UTP20: variants seen among roughly 807,000 people sequenced by gnomAD.
UTP20 encodes the protein small subunit processome component 20 homolog.
A neutral mutation model predicts 329.5 loss-of-function variants in UTP20; 164 were observed. The observed-to-expected ratio is 0.50, with a 90% CI of 0.44 to 0.57. UTP20 has a LOEUF of 0.57. UTP20 is among the 20% of genes least tolerant of loss of function. The pLI is 0.00. For synonymous variants in UTP20, 1,151 were observed against 1,159.3 expected, an observed-to-expected ratio of 0.99 and a Z score of 0.14; for missense variants, 3,055 against 3,284.2, an observed-to-expected ratio of 0.93 and a Z score of 1.71.
intron 58 of UTP20, 56 bp downstream of exon 58, chr12:101,381,267 CGCGCCTGTAATCCCA>C: frequency 6.7e-7 from 1 of 1,481,988 alleles, no homozygotes; most frequent in Admixed American, 1.7e-5. Context: ...CATGGTGGCT[CGCGCCTGTAATCCCA>C]GCACTTTGAG....
At chr12:101,326,320 C>T (rs530009559) in intron 25 of UTP20, among the ~76,000 whole-genome samples, 1 of 152,118 alleles carries the variant, frequency 6.6e-6, no homozygotes, top group Non-Finnish European at 1.5e-5. Flanking sequence ...TTCATTAACC[C>T]TTCTCAATAT....
At chr12:101,299,608 A>G in intron 12 of UTP20, 74 bp from the exon 13 acceptor site, 2 of 1,401,138 alleles carry the variant, frequency 1.4e-6, no homozygotes, top group South Asian at 3.1e-5. Context: ...TAAGAATCCA[A>G]TTTTATTTCA....
chr12:101,352,056 A>G lies in UTP20; in HGVS notation c.4886A>G (p.His1629Arg), dbSNP rs1259833257. The G allele has an allele frequency of 1.2e-6, 2 of 1,613,358 alleles. No individual in the cohort carries two copies. The highest frequency in any genetic ancestry group is 1.7e-6 in the Non-Finnish European group (2 of 1,179,912). The change falls in exon 39 of 62, where the codon CAT becomes CGT. Residue 1629 changes from histidine to arginine, a missense_variant and splice_region_variant. Transcript: ENST00000261637. ...TGATGTTCTTGATTTGTTTTACAGCATGAAAATATAACCACTGCTGCCACA... is the reference window on the plus strand; with the variant it reads ...TGATGTTCTTGATTTGTTTTACAGCGTGAAAATATAACCACTGCTGCCACA... ...TPIFDEKMLKHENITTAATEI... is the reference protein window; with the variant it reads ...TPIFDEKMLKRENITTAATEI...
chr12:101,347,509 C>T lies in UTP20; in HGVS notation c.4884+921C>T, dbSNP rs140529290. 5.5e-3 allele frequency among the ~76,000 whole-genome samples: 830 copies of T among 151,162 alleles called. 6 individuals are homozygous for T. Among genetic ancestry groups the T allele is most frequent in the African/African-American group, 0.019 (784 of 41,196 alleles). ...CTGCACTCCAGCCTGGGCGACAGAGCGAGACTATTTGAAAAAAAAAAGTTT... is the reference window on the plus strand; with the variant it reads ...CTGCACTCCAGCCTGGGCGACAGAGTGAGACTATTTGAAAAAAAAAAGTTT... On this transcript the variant is annotated intron_variant, in intron 38 of 61. Transcript: ENST00000261637.
At chr12:101,358,452 A>G (rs1022296624) in intron 43 of UTP20, among the ~76,000 whole-genome samples, 1 of 152,160 alleles carries the variant, frequency 6.6e-6, no homozygotes, top group African/African-American at 2.4e-5. Context: ...CTAGATATTT[A>G]CTATTTCTGC....
intron 56 of UTP20, among the ~76,000 whole-genome samples, chr12:101,377,371 G>A (rs566754478): frequency 6.6e-5 from 10 of 151,702 alleles, no homozygotes; most frequent in Non-Finnish European, 1.5e-4. Context: ...TCACTCTGTC[G>A]CCAGGCTGGA....
rs763627342 is a variant in UTP20 at position 101,285,623 on chromosome 12, C to T, written c.180C>T (p.Leu60=). 1 of 1,613,818 alleles carries T rather than the reference C, an allele frequency of 6.2e-7. No individual in the cohort carries two copies. The highest frequency in any genetic ancestry group is 8.5e-7 in the Non-Finnish European group (1 of 1,179,836). ...EGLLKWRELN[L]TEHFGKFYKE... is the part of the protein sequence containing the mutation. ...TGCTGAAATGGAGAGAATTAAACCT[C>T]ACAGAACACTTCGGTATTTTCTATT... Residue 60 remains leucine, a synonymous_variant, in exon 3 of 62, where the codon CTC becomes CTT. Transcript: ENST00000261637.
intron 4 of UTP20, among the ~76,000 whole-genome samples, 155 bp from the exon 5 acceptor site, chr12:101,286,166 T>C (rs1360804833): frequency 6.6e-6 from 1 of 152,210 alleles, no homozygotes; most frequent in Non-Finnish European, 1.5e-5. Context: ...TTTGCTGAGA[T>C]CTTAAGATTT....
intron 21 of UTP20, among the ~76,000 whole-genome samples, chr12:101,314,883 A>G (rs1872917937): frequency 1.3e-5 from 2 of 150,474 alleles, no homozygotes; most frequent in African/African-American, 4.9e-5. Context: ...GGCAGATCAC[A>G]TGAGGTCAGG....
intron 38 of UTP20, 141 bp from the exon 39 acceptor site, chr12:101,351,914 G>A (rs948877113): frequency 7.3e-6 from 7 of 956,366 alleles, no homozygotes; most frequent in African/African-American, 1.7e-5. Context: ...TGGGGTTAGA[G>A]GGAAAAAATT....
intron 46 of UTP20, 23 bp downstream of exon 46, chr12:101,365,648 T>A: frequency 6.5e-7 from 1 of 1,542,116 alleles, no homozygotes; most frequent in Non-Finnish European, 8.7e-7. Flanking sequence ...AAAAACAAAC[T>A]GTCATTTAGG....
rs1196289076 is a variant in UTP20, at chr12:101,305,988, A to C, written c.1855A>C (p.Lys619Gln). The C allele has an allele frequency of 6.2e-7, 1 of 1,613,974 alleles. No individual in the cohort carries two copies. The highest frequency in any genetic ancestry group is 8.5e-7 in the Non-Finnish European group (1 of 1,179,968). ...TCAGAGATTAGCCTTGTGTGGCTGC[A>C]AAGGGCCACTTTCCCAGGAGGCTTT... is the stretch of plus-strand genomic sequence containing the variant. ...YYQRLALCGC[K>Q]GPLSQEALME... Residue 619 changes from lysine (K) to glutamine (Q), a missense_variant, in exon 16 of 62, where the codon AAA becomes CAA. Around this residue, in one of 3 missense-constraint regions of UTP20, gnomAD observed 2,445 missense variants for 2,575.5 expected, o/e 0.95. Transcript: ENST00000261637.
At chr12:101,385,797 TCA>T in intron 61 of UTP20, 69 bp downstream of exon 61, 1 of 1,551,458 alleles carries the variant, frequency 6.4e-7, no homozygotes, top group Non-Finnish European at 8.7e-7. Flanking sequence ...CATGTTTGTG[TCA>T]CACTTACACT....
At chr12:101,307,294 T>TAC (rs35767250) in intron 17 of UTP20, among the ~76,000 whole-genome samples, 23,063 of 146,772 alleles carry the variant, frequency 0.16, 2,118 homozygotes, top group African/African-American at 0.27. Context: ...ACTTTTTGAA[T>TAC]ACACACACAC....
chr12:101,325,283 T>C (rs1035234034), intron 25 of UTP20, among the ~76,000 whole-genome samples: 3 of 152,250 alleles, frequency 2.0e-5, no homozygotes, highest in Non-Finnish European at 4.4e-5. Context: ...ATAGAAGACA[T>C]GCCAGCTGAC....
At position 101,343,071 on chromosome 12, in the gene UTP20, A is replaced by C. The variant is rs1869199734; in HGVS notation, c.4427A>C (p.His1476Pro). ...GTTAACTACCTAATTCCAGTTATGC[A>C]TAATTGTTTCTATAATCTAGAGGTA... is the stretch of plus-strand genomic sequence containing the variant. Reference protein sequence around the residue: ...VDVNYLIPVMHNCFYNLELGD... With the variant: ...VDVNYLIPVMPNCFYNLELGD... The change falls in exon 35 of 62, where the codon CAT (histidine) becomes CCT (proline). Residue 1476 changes from histidine (H) to proline (P), a missense_variant. Around this residue, in one of 3 missense-constraint regions of UTP20, gnomAD observed 2,445 missense variants for 2,575.5 expected, o/e 0.95. Transcript: ENST00000261637. 6.2e-7 allele frequency: 1 copy of C among 1,608,124 alleles called. No individual in the cohort carries two copies. Among genetic ancestry groups the C allele is most frequent in the East Asian group, 2.2e-5 (1 of 44,810 alleles).
At position 101,280,327 on chromosome 12, in the gene UTP20, G is replaced by A. The variant is rs774438661; in HGVS notation, c.45G>A (p.Arg15=). 1 of 1,551,736 alleles carries A rather than the reference G, an allele frequency of 6.4e-7. No individual in the cohort carries two copies. The highest frequency in any genetic ancestry group is 1.2e-5 in the South Asian group (1 of 84,062). ...CCCACAAGACCGAGAACACCTACCGGGTGAGCGCGGGAGCTTAGGCAGGGA... is the reference window on the plus strand; with the variant it reads ...CCCACAAGACCGAGAACACCTACCGAGTGAGCGCGGGAGCTTAGGCAGGGA... ...PVSHKTENTY[R]FLTFAERLGN... Residue 15 remains arginine (R), a splice_region_variant and synonymous_variant, in exon 1 of 62, where the codon CGG becomes CGA. Coordinates refer to ENST00000261637, the MANE Select transcript of UTP20 (RefSeq NM_014503.3).
At position 101,373,707 on chromosome 12, in the gene UTP20, C is replaced by T; in HGVS notation, c.7071C>T (p.Ile2357=). 6.2e-7 allele frequency: 1 copy of T among 1,611,892 alleles called. No individual in the cohort carries two copies. The highest frequency in any genetic ancestry group is 2.2e-5 in the East Asian group (1 of 44,878). Residue 2357 remains isoleucine (I), a synonymous_variant, in exon 54 of 62, where the codon ATC becomes ATT. Transcript: ENST00000261637. The part of the protein sequence containing the change: ...SMTIKSLLGK[I]SLEKKDWLFD... ...CAATCAAGTCCCTACTTGGTAAAAT[C>T]AGCCTCGAGAAAAAAGATTGGCTGT...
At chr12:101,377,299 C>T (rs1006114164) in intron 56 of UTP20, among the ~76,000 whole-genome samples, 13 of 152,026 alleles carry the variant, frequency 8.6e-5, no homozygotes, top group African/African-American at 2.4e-4. Context: ...AGATATGACA[C>T]GGTTAATCCA....
Sources: allele counts gnomAD v4.1 joint callset (sites outside exome capture counted in the v4.1 genomes callset), GRCh38; gene constraint gnomAD v4.1.1; regional missense constraint gnomAD v4.1.1; transcripts MANE v1.5; gene names NCBI Gene and HGNC (gene_info 2026-07-23, HGNC 2026-07-21).